The following SPMIP2 variants were observed in gnomAD, a reference collection of about 807,000 sequenced individuals.
SPMIP2 encodes sperm microtubule inner protein 2, also known as protein SPMIP2.
the SPMIP2 span, among the ~76,000 whole-genome samples, chr4:159,024,693 T>G: frequency 2.0e-5 from 3 of 152,342 alleles, no homozygotes; most frequent in South Asian, 6.2e-4. Context: ...TAATGAAGTT[T>G]ATAGGCAGAA....
chr4:158,940,509 T>C, the SPMIP2 span, among the ~76,000 whole-genome samples: 1 of 151,990 alleles, frequency 6.6e-6, no homozygotes, highest in Non-Finnish European at 1.5e-5. Flanking sequence ...CTAGATTCAT[T>C]GATTCATCAG....
At chr4:159,034,847 C>T in the SPMIP2 span, among the ~76,000 whole-genome samples, 4 of 151,852 alleles carry the variant, frequency 2.6e-5, no homozygotes, top group Non-Finnish European at 4.4e-5. Flanking sequence ...GCCGAGATCG[C>T]GCCATTGTAC....
At chr4:158,907,078 T>C in the SPMIP2 span, 12 of 152,246 alleles carry the variant, frequency 7.9e-5, no homozygotes, top group African/African-American at 2.9e-4. Flanking sequence ...AGCAAGCTAG[T>C]GAGGCATGAC....
At chr4:159,080,378 G>A in the SPMIP2 span, among the ~76,000 whole-genome samples, 1 of 151,914 alleles carries the variant, frequency 6.6e-6, no homozygotes, top group African/African-American at 2.4e-5. Context: ...TACCACACCA[G>A]GCTAATTAAA....
the SPMIP2 span, among the ~76,000 whole-genome samples, chr4:158,976,287 T>C: frequency 1.9e-4 from 29 of 152,192 alleles, no homozygotes; most frequent in African/African-American, 6.3e-4. Context: ...TTTCTTTCTC[T>C]TGCCTGATTG....
At chr4:159,024,172 ATAAATGATTTGACCAAC>A in the SPMIP2 span, among the ~76,000 whole-genome samples, 13 of 152,302 alleles carry the variant, frequency 8.5e-5, no homozygotes, top group South Asian at 4.1e-4. Context: ...GCTGCCTCAA[ATAAATGATTTGACCAAC>A]TAAATGATTT....
At chr4:159,063,444 G>A in the SPMIP2 span, among the ~76,000 whole-genome samples, 1 of 152,100 alleles carries the variant, frequency 6.6e-6, no homozygotes, top group Non-Finnish European at 1.5e-5. Context: ...CAGCTACCCA[G>A]GAGGCTAAGG....
chr4:158,951,715 T>C, the SPMIP2 span, among the ~76,000 whole-genome samples: 3 of 152,232 alleles, frequency 2.0e-5, no homozygotes, highest in Non-Finnish European at 4.4e-5. Context: ...GCAGAGAATG[T>C]CAGATTAGTG....
chr4:158,983,964 T>A, the SPMIP2 span, among the ~76,000 whole-genome samples: 1 of 107,158 alleles, frequency 9.3e-6, no homozygotes, highest in African/African-American at 3.6e-5. Flanking sequence ...ACCAAGCAAA[T>A]GGAAAACAAA....
the SPMIP2 span, among the ~76,000 whole-genome samples, chr4:159,021,064 G>T: frequency 6.6e-6 from 1 of 152,106 alleles, no homozygotes; most frequent in Non-Finnish European, 1.5e-5. Flanking sequence ...CCCGGCCTCT[G>T]CCGTTCTCTT....
chr4:158,977,769 C>T, the SPMIP2 span, among the ~76,000 whole-genome samples: 1 of 152,010 alleles, frequency 6.6e-6, no homozygotes, highest in Non-Finnish European at 1.5e-5. Context: ...CGCCCGCCAC[C>T]ACGCCCAGCT....
chr4:158,982,386 C>T, the SPMIP2 span, among the ~76,000 whole-genome samples: 9 of 152,244 alleles, frequency 5.9e-5, no homozygotes, highest in Non-Finnish European at 1.3e-4. Flanking sequence ...AACAGACATC[C>T]ACAGAACTCT....
chr4:158,897,037 C>T, the SPMIP2 span, among the ~76,000 whole-genome samples: 1 of 152,082 alleles, frequency 6.6e-6, no homozygotes, highest in African/African-American at 2.4e-5. Flanking sequence ...TGATGTTCCC[C>T]TTCCTGTGTG....
the SPMIP2 span, among the ~76,000 whole-genome samples, chr4:159,027,194 G>A: frequency 6.6e-6 from 1 of 152,038 alleles, no homozygotes; most frequent in Admixed American, 6.5e-5. Context: ...TCCCACTTTT[G>A]CTATTATGAT....
the SPMIP2 span, among the ~76,000 whole-genome samples, chr4:159,002,509 G>C: frequency 0.011 from 1,637 of 152,254 alleles, 18 homozygotes; most frequent in Non-Finnish European, 0.017. Flanking sequence ...ATGAGCTACT[G>C]TGCCCAGCCT....
the SPMIP2 span, among the ~76,000 whole-genome samples, chr4:158,995,414 T>A: frequency 6.6e-6 from 1 of 152,216 alleles, no homozygotes. Flanking sequence ...CACCTGACAC[T>A]TATGCACAGC....
At chr4:158,904,756 A>C in the SPMIP2 span, 1 of 530,902 alleles carries the variant, frequency 1.9e-6, no homozygotes, top group East Asian at 3.1e-5. Flanking sequence ...TGTCGTGAAC[A>C]CTTTAGGCCA....
the SPMIP2 span, among the ~76,000 whole-genome samples, chr4:158,984,990 G>A: frequency 1.9e-4 from 29 of 152,054 alleles, no homozygotes; most frequent in African/African-American, 6.7e-4. Context: ...TACCATCAGA[G>A]AATACTACAA....
the SPMIP2 span, among the ~76,000 whole-genome samples, chr4:158,921,661 T>C: frequency 2.0e-5 from 3 of 152,058 alleles, no homozygotes; most frequent in African/African-American, 7.2e-5. Flanking sequence ...TCTTTATAAA[T>C]TACCCAGTCT....
Sources: gnomAD v4.1 joint callset for allele counts (sites outside exome capture counted in the v4.1 genomes callset) on GRCh38, gnomAD v4.1.1 for gene constraint, MANE v1.5 for transcripts, NCBI Gene and HGNC (gene_info 2026-07-23, HGNC 2026-07-21) for gene names.